Variants in NTRK3 observed in about 807,000 individuals in gnomAD.
NTRK3 encodes the protein neurotrophic receptor tyrosine kinase 3, also known as NT-3 growth factor receptor.
Under a neutral mutation model 91.7 loss-of-function variants are expected in NTRK3, and 24 were observed. That is an observed-to-expected ratio of 0.26 (90% confidence interval 0.19 to 0.37). The LOEUF (loss-of-function observed/expected upper bound fraction) is 0.37, where lower values mean the gene tolerates loss of function less well. Among genes scored for constraint, NTRK3 ranks in the 10% least tolerant of loss-of-function variants. The pLI is 1.00. For missense variants in NTRK3, 880 were observed against 1,068.9 expected (o/e 0.82, Z 2.46); for synonymous variants, 483 against 404.0 (o/e 1.20, Z -2.34).
At chr15:88,222,554 C>T (rs578019380) in intron 3 of NTRK3, among the ~76,000 whole-genome samples, 16 of 152,288 alleles carry the variant, frequency 1.1e-4, no homozygotes, top group Middle Eastern at 3.4e-3. Context: ...TCACACAGAA[C>T]GCAGAACATT....
intron 14 of NTRK3, among the ~76,000 whole-genome samples, chr15:88,018,087 T>A (rs2077361975): frequency 6.6e-6 from 1 of 152,104 alleles, no homozygotes; most frequent in Non-Finnish European, 1.5e-5. Context: ...CGGCCAAAAA[T>A]AGGTCAACTT....
At chr15:88,133,225 A>G (rs1172999141) in intron 10 of NTRK3, among the ~76,000 whole-genome samples, 1 of 152,152 alleles carries the variant, frequency 6.6e-6, no homozygotes, top group Non-Finnish European at 1.5e-5. Context: ...AGACTAACAG[A>G]AGGGGCTGCT....
intron 13 of NTRK3, among the ~76,000 whole-genome samples, chr15:88,036,224 A>G (rs928586005): frequency 6.6e-6 from 1 of 152,142 alleles, no homozygotes; most frequent in Non-Finnish European, 1.5e-5. Flanking sequence ...ATATCAAGGC[A>G]CACAATTACA....
At chr15:87,962,710 A>G (rs1339943970) in intron 14 of NTRK3, among the ~76,000 whole-genome samples, 1 of 152,074 alleles carries the variant, frequency 6.6e-6, no homozygotes, top group Non-Finnish European at 1.5e-5. Flanking sequence ...TTCAATCTCT[A>G]CTGCCATGCC....
Position 87,906,800 on chromosome 15 carries a change from T to G in NTRK3, c.2133+22391A>C, listed in dbSNP as rs181426125. Among the ~76,000 whole-genome samples the G allele has an allele frequency of 2.3e-3, 355 of 152,268 alleles. 1 individual carries two copies. Among genetic ancestry groups the G allele is most frequent in the African/African-American group, 8.2e-3 (339 of 41,562 alleles). On this transcript the variant is annotated intron_variant, in intron 17 of 18. Coordinates refer to ENST00000394480, the Ensembl canonical transcript of NTRK3. ...CACCACCACTATTACTACCACCAAGTACTTCTTTTTCTCCTCTCTGCTTTC... is the reference window on the plus strand; with the variant it reads ...CACCACCACTATTACTACCACCAAGGACTTCTTTTTCTCCTCTCTGCTTTC...
At chr15:87,955,519 T>C (rs1038963098) in intron 14 of NTRK3, among the ~76,000 whole-genome samples, 1 of 152,218 alleles carries the variant, frequency 6.6e-6, no homozygotes, top group Non-Finnish European at 1.5e-5. Flanking sequence ...CAGAGTGACC[T>C]TGCTGAGTGC....
chr15:88,228,829 T>C (rs1396797704), intron 3 of NTRK3, among the ~76,000 whole-genome samples: 3 of 152,042 alleles, frequency 2.0e-5, no homozygotes, highest in Non-Finnish European at 4.4e-5. Context: ...CACCTTGCCA[T>C]AGAGATTGAA....
At chr15:88,252,724 C>T (rs1460484005) in intron 3 of NTRK3, 1 of 152,238 alleles carries the variant, frequency 6.6e-6, no homozygotes, top group Non-Finnish European at 1.5e-5. Context: ...CATGAGGTTC[C>T]TGTGTATCAA....
intron 13 of NTRK3, among the ~76,000 whole-genome samples, chr15:88,068,749 G>C (rs1421207330): frequency 1.3e-5 from 2 of 152,122 alleles, no homozygotes; most frequent in Non-Finnish European, 2.9e-5. Context: ...AGTAGGGTAG[G>C]GGTCGTCAAA....
intron 17 of NTRK3, among the ~76,000 whole-genome samples, chr15:87,907,433 C>A (rs1022088472): frequency 4.6e-5 from 7 of 152,116 alleles, no homozygotes; most frequent in African/African-American, 1.4e-4. Flanking sequence ...GGAGGTTATG[C>A]TTAATTTACC....
intron 3 of NTRK3, among the ~76,000 whole-genome samples, chr15:88,188,908 A>G (rs528035294): frequency 1.4e-3 from 208 of 152,278 alleles, no homozygotes; most frequent in African/African-American, 4.9e-3. Flanking sequence ...TCTTCATTCC[A>G]TAGAAATGTG....
At chr15:87,924,696 T>C (rs2068146302) in intron 17 of NTRK3, among the ~76,000 whole-genome samples, 1 of 152,188 alleles carries the variant, frequency 6.6e-6, no homozygotes, top group South Asian at 2.1e-4. Flanking sequence ...AGTGAGCATC[T>C]GGTTATCTGT....
intron 13 of NTRK3, among the ~76,000 whole-genome samples, chr15:88,043,748 A>G (rs2142170802): frequency 6.6e-6 from 1 of 152,354 alleles, no homozygotes; most frequent in Admixed American, 6.5e-5. Flanking sequence ...CTTTCAAATT[A>G]AAGTGAGGCA....
intron 13 of NTRK3, among the ~76,000 whole-genome samples, chr15:88,051,201 T>C (rs2080791829): frequency 6.6e-6 from 1 of 152,198 alleles, no homozygotes; most frequent in South Asian, 2.1e-4. Flanking sequence ...ACATTTGCTT[T>C]GATGCCGACA....
intron 10 of NTRK3, among the ~76,000 whole-genome samples, chr15:88,134,497 G>C (rs1011320260): frequency 6.6e-6 from 1 of 152,218 alleles, no homozygotes; most frequent in Admixed American, 6.5e-5. Context: ...TGGAACAAGA[G>C]AGGAATGAAG....
intron 14 of NTRK3, among the ~76,000 whole-genome samples, chr15:88,003,655 A>C (rs960628861): frequency 4.0e-4 from 61 of 152,288 alleles, no homozygotes; most frequent in African/African-American, 1.4e-3. Flanking sequence ...CGCTGAGAAG[A>C]AAGAGGACTG....
intron 13 of NTRK3, among the ~76,000 whole-genome samples, chr15:88,037,020 C>G (rs531619516): frequency 1.7e-4 from 26 of 152,218 alleles, no homozygotes; most frequent in Non-Finnish European, 3.4e-4. Context: ...TCTCCACCTT[C>G]TCTACCTTAT....
intron 17 of NTRK3, among the ~76,000 whole-genome samples, chr15:87,911,171 TGA>T (rs2067068940): frequency 6.6e-6 from 1 of 152,122 alleles, no homozygotes; most frequent in South Asian, 2.1e-4. Context: ...TGACAGGTAT[TGA>T]GGTATGAGCG....
intron 13 of NTRK3, among the ~76,000 whole-genome samples, chr15:88,093,033 GTT>G (rs545742984): frequency 2.5e-5 from 3 of 120,042 alleles, no homozygotes; most frequent in Non-Finnish European, 3.6e-5. Context: ...TTTGTTTCTG[GTT>G]TTTTTTTTTT....
Sources: gnomAD v4.1 joint callset for allele counts (sites outside exome capture counted in the v4.1 genomes callset) on GRCh38, gnomAD v4.1.1 for gene constraint, MANE v1.5 for transcripts, NCBI Gene and HGNC (gene_info 2026-07-23, HGNC 2026-07-21) for gene names.